The following BMP1 variants were observed in gnomAD, a reference collection of about 807,000 sequenced individuals.
The protein encoded by BMP1 is mammalian tolloid protein.
Under a neutral mutation model 116.8 loss-of-function variants are expected in BMP1, and 63 were observed. That is an observed-to-expected ratio of 0.54 (90% CI 0.44 to 0.67). BMP1 has a LOEUF of 0.67. Ranked by LOEUF, BMP1 falls within the 30% of genes least tolerant of loss-of-function variation. The probability of loss-of-function intolerance (pLI) is 0.00; values close to 1 mark genes in which losing one functional copy is unlikely to be tolerated. For missense variants in BMP1, 1,183 were observed against 1,358.9 expected (o/e 0.87, Z 2.04); for synonymous variants, 536 against 533.4 (o/e 1.00, Z -0.07).
chr8:22,179,897 CT>C lies in BMP1; in HGVS notation c.961+69del, dbSNP rs1828562696. On this transcript the variant is annotated intron_variant, in intron 7 of 19. Transcript: ENST00000306385. This position sits in a 1 kb window ranked among gnomAD's most constrained non-coding sequence, Gnocchi z 4.6. ...CCTGAGGGAGGCAGAGGCCAGGTGC[CT>C]GGTGCCACCAAGAAGGCTTAGGCTG... is the stretch of plus-strand genomic sequence containing the variant. The C allele has an allele frequency of 8.7e-6, 13 of 1,496,108 alleles. No individual in the cohort carries two copies. Among genetic ancestry groups the C allele is most frequent in the African/African-American group, 1.4e-5 (1 of 71,890 alleles). The allele number at this position is 1,496,108 out of a possible 1,614,324, so 92.7% of individuals were successfully genotyped here.
At chr8:22,183,236 C>A (rs148806477) in intron 8 of BMP1, among the ~76,000 whole-genome samples, 1 of 152,088 alleles carries the variant, frequency 6.6e-6, no homozygotes, top group Non-Finnish European at 1.5e-5. Flanking sequence ...GCTAACATAG[C>A]GGAACTCCAT....
At chr8:22,173,736 C>A in intron 2 of BMP1, 21 bp downstream of exon 2, 1 of 1,574,124 alleles carries the variant, frequency 6.4e-7, no homozygotes, top group Non-Finnish European at 8.7e-7. Flanking sequence ...TGCCAATGGG[C>A]CCTCTGTGTC....
rs530007491 is a variant in BMP1 at position 22,202,672 on chromosome 8, ACT to A, written c.2233+747_2233+748del. The stretch of plus-strand genomic sequence containing the variant: ...AGACCAGCCTGAGCAACATAGTGAG[ACT>A]CTGTCTCTATTTTACTTTTAAACAG... On this transcript the variant is annotated intron_variant, in intron 16 of 19. Coordinates refer to ENST00000306385, the MANE Select transcript of BMP1 (RefSeq NM_006129.5). 1.4e-4 allele frequency among the ~76,000 whole-genome samples: 21 copies of A among 152,230 alleles called. No homozygotes were observed. The South Asian group carries it at 4.1e-3, about 30-fold the overall frequency.
In BMP1 at chr8:22,199,110, C is replaced by T. The variant is rs747497316; in HGVS notation, c.2107+1690C>T. 5.1e-6 allele frequency: 7 copies of T among 1,367,588 alleles called. No homozygotes were observed. In the South Asian group the frequency reaches 5.7e-5, roughly 11 times the overall value. 84.7% of individuals were successfully genotyped at this position (1,367,588 alleles called of 1,614,324 possible). On this transcript the variant is annotated intron_variant, in intron 15 of 19. Transcript: ENST00000306385. ...ATGCCCTGGTCGACACTGTGCCCGCCCCACCCTCAGCCCTGCACGGAGACA... is the reference window on the plus strand; with the variant it reads ...ATGCCCTGGTCGACACTGTGCCCGCTCCACCCTCAGCCCTGCACGGAGACA...
Position 22,211,716 on chromosome 8 carries a change from C to T in BMP1, c.2949C>T (p.His983=), listed in dbSNP as rs760127578. The part of the protein sequence containing the change: ...YTSTKFQDTL[H]SRK ...GCACCAAGTTCCAGGACACACTCCA[C>T]AGCAGGAAGTGACCACTGCCTGAGC... The change falls in exon 20 of 20, where the codon CAC becomes CAT. Residue 983 remains histidine, a synonymous_variant. Coordinates refer to ENST00000306385, the MANE Select transcript of BMP1 (RefSeq NM_006129.5). The T allele has an allele frequency of 1.9e-6, 3 of 1,614,146 alleles. No individual in the cohort carries two copies. The South Asian group carries it at 3.3e-5, about 18-fold the overall frequency.
chr8:22,187,701 C>T (rs75624817), intron 8 of BMP1, among the ~76,000 whole-genome samples: 1,856 of 151,950 alleles, frequency 0.012, 44 homozygotes, highest in African/African-American at 0.041. Flanking sequence ...TCCCCAGGGA[C>T]GCTATTTCTC....
At chr8:22,208,476 C>T (rs1329391991) in intron 18 of BMP1, among the ~76,000 whole-genome samples, 3 of 152,176 alleles carry the variant, frequency 2.0e-5, no homozygotes, top group African/African-American at 7.2e-5. Context: ...AAGCGGGAGC[C>T]AGGCAGGAAG....
chr8:22,183,262 T>A (rs916471455), intron 8 of BMP1, among the ~76,000 whole-genome samples: 2 of 152,088 alleles, frequency 1.3e-5, no homozygotes, highest in African/African-American at 2.4e-5. Flanking sequence ...CAAAAAATTT[T>A]AAAAATTAGC....
chr8:22,210,661 C>G lies in BMP1; in HGVS notation c.2827-933C>G, dbSNP rs554274682. ...GCATTGGCTGAACCTCCCCCAGGAG[C>G]AGAGCTTCAGCCCTCGTGTGGCTGG... On this transcript the variant is annotated intron_variant, in intron 19 of 19. Coordinates refer to ENST00000306385, the MANE Select transcript of BMP1 (RefSeq NM_006129.5). Among the ~76,000 whole-genome samples, 18 of 152,268 alleles carry G rather than the reference C, an allele frequency of 1.2e-4. No individual in the cohort carries two copies. In the South Asian group the frequency reaches 3.5e-3, roughly 30 times the overall value.
In BMP1 at chr8:22,177,067, G is replaced by C. The variant is rs1467195854; in HGVS notation, c.658G>C (p.Gly220Arg). ...IVVHELGHVV[G>R]FWHEHTRPDR... ...GGTCCACGAGCTGGGCCACGTCGTC[G>C]GCTTCTGGCACGAACACACTCGGCC... Residue 220 changes from glycine to arginine, a missense_variant, in exon 5 of 20, where the codon GGC becomes CGC. Physicochemically the swap from Gly to Arg is moderately radical, Grantham distance 125 (BLOSUM62 -2). Coordinates refer to ENST00000306385, the MANE Select transcript of BMP1 (RefSeq NM_006129.5). 6.2e-7 allele frequency: 1 copy of C among 1,612,378 alleles called. No homozygotes were observed. Among genetic ancestry groups the C allele is most frequent in the Non-Finnish European group, 8.5e-7 (1 of 1,179,394 alleles).
At position 22,207,528 on chromosome 8, in the gene BMP1, G is replaced by C. The variant is rs763277589; in HGVS notation, c.2575+12G>C. ...CTCCCACGCCACAGGTACTGTCCCC[G>C]GTTGTGGGAGTGTTCACTGAGCCTG... is the stretch of plus-strand genomic sequence containing the variant. On this transcript the variant is annotated intron_variant, in intron 18 of 19. Transcript: ENST00000306385. The C allele has an allele frequency of 1.9e-6, 3 of 1,610,298 alleles. No individual in the cohort carries two copies. In the African/African-American group the frequency reaches 4.0e-5, roughly 21 times the overall value.
In BMP1 at chr8:22,177,960, G is replaced by T. The variant is rs1221922182; in HGVS notation, c.836+3G>T. On this transcript the variant is annotated splice_donor_region_variant and intron_variant, in intron 6 of 19. Coordinates refer to ENST00000306385, the MANE Select transcript of BMP1 (RefSeq NM_006129.5). ...TACGCTCGGAACACATTCTCCAGGT[G>T]GGAGACGGGATTGGGGCTGGGCCTC... The T allele has an allele frequency of 6.2e-7, 1 of 1,603,608 alleles. No individual in the cohort carries two copies. The highest frequency in any genetic ancestry group is 2.2e-5 in the East Asian group (1 of 44,668).
At chr8:22,205,485 A>T (rs1201863073) in intron 16 of BMP1, among the ~76,000 whole-genome samples, 1 of 152,148 alleles carries the variant, frequency 6.6e-6, no homozygotes, top group Non-Finnish European at 1.5e-5. Context: ...CTCTAAAATT[A>T]AGAGGCCAGC....
At chr8:22,200,993 G>GC in intron 15 of BMP1, 10 of 122,932 alleles carry the variant, frequency 8.1e-5, no homozygotes, top group African/African-American at 1.1e-4. Flanking sequence ...CTGCCCTCCC[G>GC]CCCCACCCTG....
At chr8:22,203,982 AGAAGCATGTGTGGTTTCTTACT>A (rs1829308657) in intron 16 of BMP1, among the ~76,000 whole-genome samples, 1 of 152,258 alleles carries the variant, frequency 6.6e-6, no homozygotes. Context: ...GATTCACCTT[AGAAGCATGTGTGGTTTCTTACT>A]CAGGTGATAG....
At chr8:22,171,764 T>G (rs1828283712) in intron 1 of BMP1, 2 of 152,200 alleles carry the variant, frequency 1.3e-5, no homozygotes, top group African/African-American at 4.8e-5. Flanking sequence ...ATCTATAAAA[T>G]GGAAGTTTGG....
At position 22,194,453 on chromosome 8, in the gene BMP1, G is replaced by A. The variant is rs768374444; in HGVS notation, c.1306G>A (p.Gly436Arg). ...GFFAVYEAIC[G>R]GDVKKDYGHI... The stretch of plus-strand genomic sequence containing the variant: ...ATCCTGTGTCCCCACAGCCATCTGC[G>A]GGGGTGATGTGAAAAAGGACTATGG... The change falls in exon 11 of 20, where the codon GGG becomes AGG. Residue 436 changes from glycine (G) to arginine (R), a missense_variant. Gly to Arg is a moderately radical substitution (Grantham distance 125). This residue lies in a region of BMP1 where 956 missense variants were observed against 1,135.2 expected (regional missense o/e 0.84). Coordinates refer to ENST00000306385, the MANE Select transcript of BMP1 (RefSeq NM_006129.5). The surrounding 1 kb of genome is among the most constrained non-coding windows in gnomAD (Gnocchi z 4.5). 11 of 1,613,934 alleles carry A rather than the reference G, an allele frequency of 6.8e-6. No individual in the cohort carries two copies. Among genetic ancestry groups the A allele is most frequent in the Middle Eastern group, 3.3e-4 (2 of 6,082 alleles).
At position 22,176,842 on chromosome 8, in the gene BMP1, A is replaced by G. The variant is rs1237154309; in HGVS notation, c.552-119A>G. On this transcript the variant is annotated intron_variant, in intron 4 of 19. Coordinates refer to ENST00000306385, the MANE Select transcript of BMP1 (RefSeq NM_006129.5). ...CACACAGCCTGGGCACTCGGTGCTC[A>G]GGGCCCACCCCTCCCCTTCGCTCCC... 2.1e-5 allele frequency: 21 copies of G among 996,920 alleles called. No homozygotes were observed. In the Admixed American group the frequency reaches 4.4e-4, roughly 21 times the overall value. 61.8% of individuals were successfully genotyped at this position (996,920 alleles called of 1,614,324 possible).
intron 16 of BMP1, among the ~76,000 whole-genome samples, chr8:22,204,802 G>A (rs1053099409): frequency 2.6e-5 from 4 of 151,022 alleles, no homozygotes; most frequent in African/African-American, 9.8e-5. Context: ...AGATTGCCGT[G>A]GATTGAGGAG....
Sources: allele counts gnomAD v4.1 joint callset (sites outside exome capture counted in the v4.1 genomes callset), GRCh38; gene constraint gnomAD v4.1.1; regional missense constraint gnomAD v4.1.1; non-coding constraint Gnocchi (gnomAD v3.1); transcripts MANE v1.5; gene names NCBI Gene and HGNC (gene_info 2026-07-23, HGNC 2026-07-21).